The following SEC11C variants were observed in gnomAD, a reference collection of about 807,000 sequenced individuals.
SEC11C encodes the protein SEC11 homolog C, signal peptidase complex subunit.
SEC11C carries 10 observed loss-of-function variants against 21.9 expected under a neutral mutation model. The observed-to-expected ratio is 0.46, with a 90% CI of 0.28 to 0.77. The LOEUF (loss-of-function observed/expected upper bound fraction) is 0.77. Among genes scored for constraint, SEC11C ranks in the 30% least tolerant of loss-of-function variants. The pLI, the probability that SEC11C is intolerant of heterozygous loss-of-function variation, is 0.12. For missense variants in SEC11C, 145 were observed against 244.5 expected, an observed-to-expected ratio of 0.59 and a Z score of 2.71; for synonymous variants, 83 against 85.6, an observed-to-expected ratio of 0.97 and a Z score of 0.17.
chr18:59,147,461 A>G (rs2069289815), intron 1 of SEC11C: 2 of 152,236 alleles, frequency 1.3e-5, no homozygotes, highest in African/African-American at 4.8e-5. Context: ...GAGAGTTTAG[A>G]AGTTATCAGT....
intron 1 of SEC11C, among the ~76,000 whole-genome samples, chr18:59,144,389 A>G (rs1248345270): frequency 6.6e-6 from 1 of 152,172 alleles, no homozygotes; most frequent in East Asian, 1.9e-4. Context: ...TCTTGCTAGC[A>G]CTAAGTATTA....
intron 3 of SEC11C, among the ~76,000 whole-genome samples, chr18:59,153,583 C>T (rs1365671729): frequency 2.6e-5 from 4 of 152,144 alleles, no homozygotes; most frequent in East Asian, 1.9e-4. Flanking sequence ...TGGAGTCTCA[C>T]GCTGTCACCT....
intron 1 of SEC11C, chr18:59,146,985 GCT>G (rs2069284060): frequency 6.6e-6 from 1 of 152,246 alleles, no homozygotes; most frequent in African/African-American, 2.4e-5. Flanking sequence ...CACTCCAGCA[GCT>G]TTCGTGTCAC....
At chr18:59,146,107 C>T (rs1397802034) in intron 1 of SEC11C, among the ~76,000 whole-genome samples, 13 of 152,116 alleles carry the variant, frequency 8.5e-5, no homozygotes, top group Non-Finnish European at 1.5e-5. Flanking sequence ...CATTAGGAGA[C>T]CTGTCATGAG....
At chr18:59,158,187 C>CT (rs2069440123) in intron 5 of SEC11C, among the ~76,000 whole-genome samples, 1 of 152,134 alleles carries the variant, frequency 6.6e-6, no homozygotes, top group African/African-American at 2.4e-5. Flanking sequence ...TCCCTAGTGG[C>CT]TGGGATTACA....
chr18:59,154,434 G>A (rs2069396259), intron 3 of SEC11C, among the ~76,000 whole-genome samples: 1 of 152,110 alleles, frequency 6.6e-6, no homozygotes, highest in Non-Finnish European at 1.5e-5. Flanking sequence ...ACTGAAAGAA[G>A]ACCCTCTTTA....
intron 1 of SEC11C, among the ~76,000 whole-genome samples, chr18:59,146,811 G>A (rs1225345830): frequency 2.6e-5 from 4 of 152,014 alleles, no homozygotes; most frequent in Non-Finnish European, 5.9e-5. Flanking sequence ...GGAGGAGGAG[G>A]TATAGAGCCG....
chr18:59,153,382 C>A (rs2069381582), intron 3 of SEC11C: 1 of 152,140 alleles, frequency 6.6e-6, no homozygotes, highest in Admixed American at 6.5e-5. Flanking sequence ...TACCTTTATG[C>A]AGCTTAGTGT....
At chr18:59,146,573 G>A (rs1200271704) in intron 1 of SEC11C, among the ~76,000 whole-genome samples, 1 of 152,128 alleles carries the variant, frequency 6.6e-6, no homozygotes, top group Non-Finnish European at 1.5e-5. Context: ...CATGTGTGTT[G>A]AGAGCTGCTG....
At chr18:59,157,563 T>C (rs763711994) in intron 4 of SEC11C, 45 bp from the exon 5 acceptor site, 1 of 1,312,996 alleles carries the variant, frequency 7.6e-7, no homozygotes, top group African/African-American at 1.4e-5. Context: ...CATCATCATG[T>C]TATAAGCAGC....
rs576038000 is a variant in SEC11C, at chr18:59,146,264, G to A, written c.88-3249G>A. On this transcript the variant is annotated intron_variant, in intron 1 of 5. Coordinates refer to ENST00000587834, the MANE Select transcript of SEC11C (RefSeq NM_033280.4). ...AGGGGGTGGCTCCAAACAGCAGGGT[G>A]ATAATAATGTCATTTACTGAGAGAA... Among the ~76,000 whole-genome samples the A allele has an allele frequency of 2.4e-3, 368 of 152,314 alleles. 2 individuals are homozygous for A. The highest frequency in any genetic ancestry group is 8.5e-3 in the African/African-American group (353 of 41,582).
At position 59,156,934 on chromosome 18, in the gene SEC11C, G is replaced by A. The variant is rs146236806; in HGVS notation, c.468-674G>A. On this transcript the variant is annotated intron_variant, in intron 4 of 5. Transcript: ENST00000587834. ...GTGAAAGGCTTTGGATAAGAGAGAG[G>A]ATGGAACTACTGATTTATAAAAGAC... is the stretch of plus-strand genomic sequence containing the variant. The A allele has an allele frequency of 1.4e-4, 22 of 152,356 alleles. 1 individual carries two copies. Among genetic ancestry groups the A allele is most frequent in the African/African-American group, 5.1e-4 (21 of 41,580 alleles). 9.4% of individuals were successfully genotyped at this position (152,356 alleles called of 1,614,324 possible). A position where few individuals can be genotyped will look rare whatever the true frequency, so the allele number is the denominator to read the frequency against.
At chr18:59,144,760 AC>A (rs1447284556) in intron 1 of SEC11C, among the ~76,000 whole-genome samples, 1 of 151,522 alleles carries the variant, frequency 6.6e-6, no homozygotes, top group Non-Finnish European at 1.5e-5. Context: ...GTTGCTAGAA[AC>A]AAAAAAAAAG....
intron 1 of SEC11C, among the ~76,000 whole-genome samples, chr18:59,148,997 T>C (rs1314015838): frequency 2.0e-5 from 3 of 152,254 alleles, no homozygotes; most frequent in Non-Finnish European, 4.4e-5. Flanking sequence ...GTTTAGAGTT[T>C]CTGTTCACTG....
chr18:59,144,069 G>C (rs562020760), intron 1 of SEC11C, among the ~76,000 whole-genome samples: 1 of 152,178 alleles, frequency 6.6e-6, no homozygotes, highest in Non-Finnish European at 1.5e-5. Context: ...GGCCAGGCTG[G>C]TCTTGAACTC....
chr18:59,157,729 A>G (rs1279505744), intron 5 of SEC11C, 64 bp downstream of exon 5: 10 of 1,119,630 alleles, frequency 8.9e-6, no homozygotes, highest in South Asian at 3.8e-5. Context: ...TACTTCTGCA[A>G]CTGTAAACAG....
In SEC11C at chr18:59,158,793, G is replaced by T; in HGVS notation, c.*108G>T. ...TCTGTATAAAAGGGAACAGTGTGGAGATGTTTTTGTCTTGTCCAAATAAAA... is the reference window on the plus strand; with the variant it reads ...TCTGTATAAAAGGGAACAGTGTGGATATGTTTTTGTCTTGTCCAAATAAAA... On this transcript the variant is annotated 3_prime_UTR_variant, in exon 6 of 6. Coordinates refer to ENST00000587834, the MANE Select transcript of SEC11C (RefSeq NM_033280.4). 1.1e-6 allele frequency: 1 copy of T among 947,602 alleles called. No homozygotes were observed. Among genetic ancestry groups the T allele is most frequent in the Non-Finnish European group, 1.6e-6 (1 of 609,400 alleles). The allele number at this position is 947,602 out of a possible 1,614,324, so 58.7% of individuals were successfully genotyped here.
chr18:59,141,566 G>C (rs796987543), intron 1 of SEC11C, among the ~76,000 whole-genome samples: 16 of 152,310 alleles, frequency 1.1e-4, no homozygotes, highest in African/African-American at 3.8e-4. Flanking sequence ...GATAAGGCCT[G>C]CCAGTAGCTG....
chr18:59,143,211 G>A (rs1475210860), intron 1 of SEC11C, among the ~76,000 whole-genome samples: 1 of 151,648 alleles, frequency 6.6e-6, no homozygotes, highest in African/African-American at 2.4e-5. Context: ...AAATTAGCCG[G>A]GTGTGGTGGT....
Sources: allele counts gnomAD v4.1 joint callset (sites outside exome capture counted in the v4.1 genomes callset), GRCh38; gene constraint gnomAD v4.1.1; transcripts MANE v1.5; gene names NCBI Gene and HGNC (gene_info 2026-07-23, HGNC 2026-07-21).